Variants in SLC35F4 observed in about 807,000 individuals in gnomAD.
The protein encoded by SLC35F4 is solute carrier family 35 member F4, also known as chromosome 14 open reading frame 36.
Under a neutral mutation model 44.2 loss-of-function variants are expected in SLC35F4, and 24 were observed. The ratio of observed to expected loss-of-function variants is 0.54; its 90% CI spans 0.39 to 0.76. The LOEUF (loss-of-function observed/expected upper bound fraction) is 0.76. Ranked by LOEUF, SLC35F4 falls within the 30% of genes least tolerant of loss-of-function variation. The pLI is 0.00. For missense variants in SLC35F4, 562 were observed against 586.1 expected, an observed-to-expected ratio of 0.96 and a Z score of 0.42; for synonymous variants, 238 against 223.6, an observed-to-expected ratio of 1.06 and a Z score of -0.57.
At chr14:57,978,718 A>G (rs1284200283) in intron 1 of SLC35F4, among the ~76,000 whole-genome samples, 1 of 152,216 alleles carries the variant, frequency 6.6e-6, no homozygotes, top group Non-Finnish European at 1.5e-5. Flanking sequence ...ATTTACAGTG[A>G]ACCATTTACA....
At chr14:57,868,150 C>T (rs984502712), upstream of SLC35F4, among the ~76,000 whole-genome samples, 7 of 152,086 alleles carry the variant, frequency 4.6e-5, no homozygotes, top group Non-Finnish European at 8.8e-5. Flanking sequence ...TAAACATACC[C>T]GCAAGAGTCT....
intron 1 of SLC35F4, among the ~76,000 whole-genome samples, chr14:57,793,306 A>C (rs916178545): frequency 1.3e-5 from 2 of 151,990 alleles, no homozygotes; most frequent in Non-Finnish European, 2.9e-5. Context: ...ACATGGATGA[A>C]ACTGTACAGT....
intron 1 of SLC35F4, among the ~76,000 whole-genome samples, chr14:57,683,468 A>G (rs1414569470): frequency 6.6e-6 from 1 of 150,766 alleles, no homozygotes; most frequent in Admixed American, 6.6e-5. Context: ...TTCCCCTTCA[A>G]TCATAGCAGC....
At chr14:57,738,754 TATATATATATATATATATA>T (rs1464433994) in intron 1 of SLC35F4, among the ~76,000 whole-genome samples, 1 of 26,064 alleles carries the variant, frequency 3.8e-5, no homozygotes, top group Non-Finnish European at 8.0e-5. Context: ...TTTTCATATA[TATATATATATATATATATA>T]TATATATATA....
chr14:57,580,986 G>C (rs1241767378), intron 4 of SLC35F4: 1 of 378,052 alleles, frequency 2.6e-6, no homozygotes, highest in Admixed American at 4.3e-5. Context: ...GCCTGTTTTA[G>C]TGCCTCCTGT....
chr14:57,908,002 C>T (rs1889138516), intron 1 of SLC35F4, among the ~76,000 whole-genome samples: 1 of 152,014 alleles, frequency 6.6e-6, no homozygotes, highest in Non-Finnish European at 1.5e-5. Flanking sequence ...TTCATGTGTT[C>T]TCATTGTTCA....
chr14:57,785,275 G>T (rs1009662146), intron 1 of SLC35F4, among the ~76,000 whole-genome samples: 2 of 152,166 alleles, frequency 1.3e-5, no homozygotes, highest in South Asian at 4.1e-4. Context: ...TGGCAGCTAT[G>T]GTATCACACT....
intron 1 of SLC35F4, among the ~76,000 whole-genome samples, chr14:57,971,456 C>G (rs1200796397): frequency 6.6e-6 from 1 of 152,184 alleles, no homozygotes; most frequent in East Asian, 1.9e-4. Flanking sequence ...GGATTCTCCC[C>G]CTATCGCCAG....
At chr14:57,944,631 G>T (rs1432010112) in intron 1 of SLC35F4, among the ~76,000 whole-genome samples, 1 of 118,520 alleles carries the variant, frequency 8.4e-6, no homozygotes, top group South Asian at 2.6e-4. Flanking sequence ...AGAAAATAAA[G>T]AAAAAAGAAA....
chr14:57,727,205 T>G (rs571097128), intron 1 of SLC35F4, among the ~76,000 whole-genome samples: 1 of 151,882 alleles, frequency 6.6e-6, no homozygotes, highest in African/African-American at 2.4e-5. Context: ...ACTTTCCAAT[T>G]TATTGGTATA....
At chr14:57,896,410 G>C (rs750545264) in intron 1 of SLC35F4, among the ~76,000 whole-genome samples, 1 of 152,122 alleles carries the variant, frequency 6.6e-6, no homozygotes, top group Non-Finnish European at 1.5e-5. Context: ...CTAATTTATG[G>C]TGATAAGATC....
chr14:57,815,900 T>C (rs1315761132), intron 1 of SLC35F4, among the ~76,000 whole-genome samples: 2 of 152,044 alleles, frequency 1.3e-5, no homozygotes, highest in Non-Finnish European at 2.9e-5. Context: ...AAAGTCAGCA[T>C]GTATAAAGAA....
At chr14:57,794,956 T>C (rs1025716387) in intron 1 of SLC35F4, among the ~76,000 whole-genome samples, 1 of 152,112 alleles carries the variant, frequency 6.6e-6, no homozygotes, top group Admixed American at 6.6e-5. Context: ...AAGATGGGTT[T>C]TGAATTCCTG....
chr14:57,771,584 ATTAAT>A (rs1349948480), intron 1 of SLC35F4, among the ~76,000 whole-genome samples: 2 of 151,856 alleles, frequency 1.3e-5, no homozygotes, highest in African/African-American at 2.4e-5. Flanking sequence ...CTTTTAATTA[ATTAAT>A]TTATTTACTT....
chr14:57,961,606 A>G (rs1212671413), intron 1 of SLC35F4, among the ~76,000 whole-genome samples: 1 of 152,182 alleles, frequency 6.6e-6, no homozygotes, highest in Non-Finnish European at 1.5e-5. Flanking sequence ...GTTAAAGTGC[A>G]AGACTCTTAA....
At chr14:57,779,279 T>C (rs2077563438) in intron 1 of SLC35F4, among the ~76,000 whole-genome samples, 1 of 151,858 alleles carries the variant, frequency 6.6e-6, no homozygotes, top group Non-Finnish European at 1.5e-5. Context: ...CAAATAAACA[T>C]AATTAGAAAC....
chr14:57,739,480 C>T (rs1239951606), intron 1 of SLC35F4, among the ~76,000 whole-genome samples: 2 of 152,098 alleles, frequency 1.3e-5, no homozygotes, highest in Admixed American at 6.6e-5. Flanking sequence ...TGGGAAGTGC[C>T]GTTTCCACAA....
chr14:57,662,201 C>G (rs2074159976), intron 1 of SLC35F4, among the ~76,000 whole-genome samples: 2 of 152,034 alleles, frequency 1.3e-5, no homozygotes, highest in African/African-American at 4.8e-5. Flanking sequence ...CCTCTCATTC[C>G]TTTTTTAGAG....
At chr14:57,800,971 C>G (rs1180812294) in intron 1 of SLC35F4, among the ~76,000 whole-genome samples, 1 of 152,088 alleles carries the variant, frequency 6.6e-6, no homozygotes, top group Non-Finnish European at 1.5e-5. Flanking sequence ...AAGAACTTCC[C>G]CAACCTAGCA....
Sources: gnomAD v4.1 joint callset for allele counts (sites outside exome capture counted in the v4.1 genomes callset) on GRCh38, gnomAD v4.1.1 for gene constraint, MANE v1.5 for transcripts, NCBI Gene and HGNC (gene_info 2026-07-23, HGNC 2026-07-21) for gene names.